Variants in DPYD observed in about 807,000 individuals in gnomAD.
The protein encoded by DPYD is dihydropyrimidine dehydrogenase, also known as dihydropyrimidine dehydrogenase [NADP(+)].
In DPYD, 109 loss-of-function variants were observed where a neutral mutation model predicts 116.2. That is an observed-to-expected ratio of 0.94 (90% CI 0.80 to 1.10). DPYD has a LOEUF of 1.10. DPYD is among the 50% of genes least tolerant of loss of function. DPYD has a pLI of 0.00. For synonymous variants in DPYD, 440 were observed against 432.0 expected, an observed-to-expected ratio of 1.02 and a Z score of -0.23; for missense variants, 1,302 against 1,254.5, an observed-to-expected ratio of 1.04 and a Z score of -0.57.
intron 13 of DPYD, among the ~76,000 whole-genome samples, chr1:97,461,969 T>G (rs1361691064): frequency 6.6e-6 from 1 of 152,234 alleles, no homozygotes; most frequent in Non-Finnish European, 1.5e-5. Flanking sequence ...CTGAAGGACA[T>G]TTGAAAAACT....
intron 2 of DPYD, among the ~76,000 whole-genome samples, chr1:97,831,507 A>T (rs1025212745): frequency 6.6e-6 from 1 of 152,180 alleles, no homozygotes; most frequent in Non-Finnish European, 1.5e-5. Context: ...GGATTCTGTA[A>T]GTTAGTATAG....
intron 12 of DPYD, among the ~76,000 whole-genome samples, chr1:97,516,772 G>A (rs1049903542): frequency 3.3e-5 from 5 of 151,962 alleles, no homozygotes; most frequent in Non-Finnish European, 7.4e-5. Flanking sequence ...GACTGGGGAG[G>A]TTATTAAAGA....
rs141114746 is a variant in DPYD at position 97,865,058 on chromosome 1, G to A, written c.150+18206C>T. The stretch of plus-strand genomic sequence containing the variant: ...GAGGAAATATTGCTGCAGAAGGAGA[G>A]GGAAAAAATGTCTACTGCCTTGTAT... On this transcript the variant is annotated intron_variant, in intron 2 of 22. Transcript: ENST00000370192. Among the ~76,000 whole-genome samples the A allele has an allele frequency of 4.0e-3, 605 of 151,748 alleles. 5 individuals carry two copies. The highest frequency in any genetic ancestry group is 0.014 in the African/African-American group (580 of 41,442).
chr1:97,864,044 C>CAAGT (rs1353192044), intron 2 of DPYD, among the ~76,000 whole-genome samples: 3 of 151,900 alleles, frequency 2.0e-5, no homozygotes, highest in African/African-American at 7.2e-5. Context: ...GGAAAAAAGA[C>CAAGT]AAGTAAACGA....
At position 97,082,395 on chromosome 1, in the gene DPYD, T is replaced by G; in HGVS notation, c.2842A>C (p.Ile948Leu). 6.2e-7 allele frequency: 1 copy of G among 1,613,706 alleles called. No homozygotes were observed. The highest frequency in any genetic ancestry group is 1.1e-5 in the South Asian group (1 of 91,078). The change falls in exon 22 of 23, where the codon ATT becomes CTT. Residue 948 changes from isoleucine to leucine, a missense_variant. Coordinates refer to ENST00000370192, the MANE Select transcript of DPYD (RefSeq NM_000110.4). ...LSNVEQVVAM[I>L]DEEMCINCGK... ...CAGTTGATACACATTTCTTCATCAA[T>G]CATAGCCACAACTTGCTCTACGTTG...
At chr1:97,251,808 T>C (rs1663120218) in intron 18 of DPYD, among the ~76,000 whole-genome samples, 1 of 152,142 alleles carries the variant, frequency 6.6e-6, no homozygotes, top group Admixed American at 6.6e-5. Context: ...ATGCTAAAAA[T>C]CACTCTATTT....
chr1:97,839,522 C>T (rs1031154298), intron 2 of DPYD, among the ~76,000 whole-genome samples: 2 of 152,038 alleles, frequency 1.3e-5, no homozygotes, highest in Non-Finnish European at 2.9e-5. Context: ...GTGTGTACCA[C>T]AAACAGGTGG....
At chr1:97,431,333 T>G (rs1291634054) in intron 14 of DPYD, among the ~76,000 whole-genome samples, 1 of 152,102 alleles carries the variant, frequency 6.6e-6, no homozygotes, top group East Asian at 1.9e-4. Flanking sequence ...CCTAGCAATG[T>G]GATTGAGAAT....
At chr1:97,762,399 C>T (rs1309462723) in intron 3 of DPYD, among the ~76,000 whole-genome samples, 1 of 152,058 alleles carries the variant, frequency 6.6e-6, no homozygotes, top group Non-Finnish European at 1.5e-5. Context: ...GCTGTAGAAA[C>T]TCAATTCTGG....
intron 2 of DPYD, among the ~76,000 whole-genome samples, chr1:97,848,181 T>G (rs2101556300): frequency 6.6e-6 from 1 of 152,282 alleles, no homozygotes; most frequent in South Asian, 2.1e-4. Context: ...CACTGCAAGC[T>G]CCGCCTCCCG....
intron 5 of DPYD, chr1:97,719,660 A>T (rs1662813175): frequency 1.0e-6 from 1 of 969,048 alleles, no homozygotes; most frequent in Non-Finnish European, 1.2e-6. Context: ...ACAGTTGGGT[A>T]AATTTAAGTA....
chr1:97,854,936 C>CCAAA (rs1670744462), intron 2 of DPYD: 3 of 152,020 alleles, frequency 2.0e-5, no homozygotes, highest in Non-Finnish European at 4.4e-5. Flanking sequence ...CAACAGAGAA[C>CCAAA]CCATGAATGC....
intron 16 of DPYD, among the ~76,000 whole-genome samples, chr1:97,358,434 C>A (rs535069805): frequency 4.4e-4 from 67 of 152,340 alleles, no homozygotes; most frequent in Non-Finnish European, 8.4e-4. Context: ...TGTCTGACAG[C>A]TCTGAAGAGA....
chr1:97,251,723 A>C (rs4950025), intron 18 of DPYD, among the ~76,000 whole-genome samples: 16,780 of 152,198 alleles, frequency 0.11, 1,351 homozygotes, highest in East Asian at 0.28. Context: ...CATGGAGTAC[A>C]AAATGATGAG....
intron 3 of DPYD, among the ~76,000 whole-genome samples, chr1:97,777,426 C>T (rs1448595957): frequency 1.3e-5 from 2 of 152,162 alleles, no homozygotes; most frequent in Non-Finnish European, 2.9e-5. Flanking sequence ...ATGTTGCTTA[C>T]TTATTAGCAA....
chr1:97,919,709 TA>T (rs1260008300), intron 1 of DPYD, among the ~76,000 whole-genome samples: 1 of 152,156 alleles, frequency 6.6e-6, no homozygotes, highest in Non-Finnish European at 1.5e-5. Context: ...TTGTTAAATA[TA>T]TCATATTGCT....
At chr1:97,101,104 A>G (rs1650650209) in intron 20 of DPYD, among the ~76,000 whole-genome samples, 1 of 151,848 alleles carries the variant, frequency 6.6e-6, no homozygotes, top group Non-Finnish European at 1.5e-5. Flanking sequence ...AAAGCAAAAA[A>G]AAAAATACCA....
chr1:97,230,624 TTAAAA>T (rs1298548551), intron 19 of DPYD, among the ~76,000 whole-genome samples: 1 of 152,010 alleles, frequency 6.6e-6, no homozygotes, highest in Non-Finnish European at 1.5e-5. Context: ...TACCCTGAAC[TTAAAA>T]TAAAAGTTTA....
chr1:97,131,877 G>C (rs1454731265), intron 20 of DPYD, among the ~76,000 whole-genome samples: 1 of 151,754 alleles, frequency 6.6e-6, no homozygotes, highest in African/African-American at 2.4e-5. Context: ...ACCTTTTTTT[G>C]TATTTTTCAC....
Sources: gnomAD v4.1 joint callset for allele counts (sites outside exome capture counted in the v4.1 genomes callset) on GRCh38, gnomAD v4.1.1 for gene constraint, MANE v1.5 for transcripts, NCBI Gene and HGNC (gene_info 2026-07-23, HGNC 2026-07-21) for gene names.